Variants in ATP5MC1 observed in about 807,000 individuals in gnomAD.
ATP5MC1 encodes the protein ATP synthase F(0) complex subunit C1, mitochondrial.
Under a neutral mutation model 12.1 loss-of-function variants are expected in ATP5MC1, and 4 were observed. The observed-to-expected ratio is 0.33, with a 90% CI of 0.16 to 0.76. The LOEUF is 0.76. Among genes scored for constraint, ATP5MC1 ranks in the 30% least tolerant of loss-of-function variants. The pLI is 0.61. For missense variants in ATP5MC1, 117 were observed against 172.1 expected (o/e 0.68, Z 1.79); for synonymous variants, 52 against 66.0 (o/e 0.79, Z 1.03).
At position 48,894,390 on chromosome 17, in the gene ATP5MC1, G is replaced by GGTCT. The variant is rs1251557849; in HGVS notation, c.59_62dup (p.Ile22SerfsTer12). ...TTTACAGATCCGCTGTTGTACCAGGGGTCTAATCAGGCCTGTGTCTGCCTC... is the reference window on the plus strand; with the variant it reads ...TTTACAGATCCGCTGTTGTACCAGGGGTCTGTCTAATCAGGCCTGTGTCTGCCTC... On this transcript the variant is annotated frameshift_variant, in exon 3 of 5. Transcript: ENST00000393366. LOFTEE classifies it high-confidence loss of function. The GGTCT allele has an allele frequency of 6.2e-7, 1 of 1,614,010 alleles. No individual in the cohort carries two copies.
chr17:48,895,644 G>A lies in ATP5MC1; in HGVS notation c.297-11G>A, dbSNP rs1435124256. 1 of 1,610,152 alleles carries A rather than the reference G, an allele frequency of 6.2e-7. No individual in the cohort carries two copies. Among genetic ancestry groups the A allele is most frequent in the African/African-American group, 1.3e-5 (1 of 74,686 alleles). On this transcript the variant is annotated splice_polypyrimidine_tract_variant and intron_variant, in intron 4 of 4. Coordinates refer to ENST00000393366, the MANE Select transcript of ATP5MC1 (RefSeq NM_005175.3). ...TCTCCCTCAACTGGCAATGATCTCTGTCCCTCCCAGGAACCCGTCTCTCAA... is the reference window on the plus strand; with the variant it reads ...TCTCCCTCAACTGGCAATGATCTCTATCCCTCCCAGGAACCCGTCTCTCAA...
chr17:48,894,952 T>C (rs2143733659), intron 3 of ATP5MC1: 3 of 702,374 alleles, frequency 4.3e-6, no homozygotes, highest in African/African-American at 3.5e-5. Flanking sequence ...ACCCATGAAA[T>C]TTCCCTAGTC....
chr17:48,895,480 C>A, intron 4 of ATP5MC1, 146 bp downstream of exon 4: 1 of 1,353,552 alleles, frequency 7.4e-7, no homozygotes, highest in Non-Finnish European at 1.0e-6. Flanking sequence ...TCCAGCCTGG[C>A]TCACTTAAAC....
Position 48,895,771 on chromosome 17 carries a change from G to T in ATP5MC1, c.*2G>T. Reference sequence around the variant, plus strand: ...TTCCTCATCCTCTTCGCCATGTGAGGCTCCATGGGGGGGTCACCGGCCTGT... The same window carrying T: ...TTCCTCATCCTCTTCGCCATGTGAGTCTCCATGGGGGGGTCACCGGCCTGT... On this transcript the variant is annotated 3_prime_UTR_variant, in exon 5 of 5. Transcript: ENST00000393366. The T allele has an allele frequency of 6.8e-7, 1 of 1,465,158 alleles. No homozygotes were observed. The highest frequency in any genetic ancestry group is 9.0e-7 in the Non-Finnish European group (1 of 1,110,624). 90.8% of individuals were successfully genotyped at this position (1,465,158 alleles called of 1,614,324 possible).
Position 48,895,302 on chromosome 17 carries a change from C to G in ATP5MC1, c.264C>G (p.Thr88=), listed in dbSNP as rs780037939. ...CTGGTTCAGGGGCTGGCATTGGAAC[C>G]GTGTTTGGCAGCTTGATCATTGGCT... ...GVAGSGAGIG[T]VFGSLIIGYA... Residue 88 remains threonine (T), a synonymous_variant, in exon 4 of 5, where the codon ACC becomes ACG. Coordinates refer to ENST00000393366, the MANE Select transcript of ATP5MC1 (RefSeq NM_005175.3). 4 of 1,596,846 alleles carry G rather than the reference C, an allele frequency of 2.5e-6. No homozygotes were observed. In the Admixed American group the frequency reaches 6.7e-5, roughly 27 times the overall value.
In ATP5MC1 at chr17:48,893,396, TC is replaced by T. The variant is rs749300300; in HGVS notation, c.-9-8del. 5.6e-6 allele frequency: 9 copies of T among 1,613,444 alleles called. No individual in the cohort carries two copies. The highest frequency in any genetic ancestry group is 1.3e-5 in the African/African-American group (1 of 74,934). The stretch of plus-strand genomic sequence containing the variant: ...CAGTGGGATTATTATTACTATTTTT[TC>T]CCCCTCTGCAGACTGAAAAAATGCA... On this transcript the variant is annotated splice_polypyrimidine_tract_variant and intron_variant, in intron 1 of 4. Coordinates refer to ENST00000393366, the MANE Select transcript of ATP5MC1 (RefSeq NM_005175.3).
At chr17:48,894,969 G>A (rs2040558344) in intron 3 of ATP5MC1, 187 bp from the exon 4 acceptor site, 2 of 741,926 alleles carry the variant, frequency 2.7e-6, no homozygotes, top group Non-Finnish European at 4.7e-6. Context: ...AGTCCTGTCT[G>A]CTGTCTGACA....
At chr17:48,893,249 C>T in intron 1 of ATP5MC1, 160 bp from the exon 2 acceptor site, 1 of 666,702 alleles carries the variant, frequency 1.5e-6, no homozygotes, top group Non-Finnish European at 2.5e-6. Context: ...TGCTCTGTCC[C>T]TCTGACCTCT....
intron 1 of ATP5MC1, 85 bp downstream of exon 1, chr17:48,892,995 C>G (rs2040543377): frequency 1.1e-5 from 2 of 190,162 alleles, no homozygotes; most frequent in South Asian, 1.8e-4. Context: ...CTGGGAGAGG[C>G]TATGGCAATC....
intron 3 of ATP5MC1, 48 bp from the exon 4 acceptor site, chr17:48,895,108 T>A (rs755473020): frequency 6.5e-7 from 1 of 1,547,816 alleles, no homozygotes; most frequent in Admixed American, 1.8e-5. Flanking sequence ...CCTGTCCTTA[T>A]GCCATACTAT....
chr17:48,893,347 A>G, intron 1 of ATP5MC1, 62 bp from the exon 2 acceptor site: 1 of 1,573,734 alleles, frequency 6.4e-7, no homozygotes, highest in Non-Finnish European at 8.7e-7. Flanking sequence ...AAAGGTCGTC[A>G]TTATAAGCAA....
At position 48,895,760 on chromosome 17, in the gene ATP5MC1, C is replaced by T. The variant is rs896121881; in HGVS notation, c.402C>T (p.Phe134=). Residue 134 remains phenylalanine (F), a synonymous_variant, in exon 5 of 5, where the codon TTC becomes TTT. Transcript: ENST00000393366. ...FCLMVAFLIL[F]AM is the part of the protein sequence containing the mutation. ...TGATGGTCGCCTTCCTCATCCTCTT[C>T]GCCATGTGAGGCTCCATGGGGGGGT... 3.9e-6 allele frequency: 6 copies of T among 1,547,638 alleles called. No homozygotes were observed. The highest frequency in any genetic ancestry group is 1.8e-5 in the African/African-American group (1 of 55,694).
chr17:48,894,323 T>A (rs2040553268), intron 2 of ATP5MC1, 49 bp from the exon 3 acceptor site: 2 of 1,571,322 alleles, frequency 1.3e-6, no homozygotes, highest in East Asian at 4.5e-5. Context: ...GCAATTAGGA[T>A]TTTTTTTCCT....
rs769679910 is a variant in ATP5MC1 at position 48,895,301 on chromosome 17, C to T, written c.263C>T (p.Thr88Ile). 5.6e-6 allele frequency: 9 copies of T among 1,597,408 alleles called. No homozygotes were observed. Among genetic ancestry groups the T allele is most frequent in the Non-Finnish European group, 7.7e-6 (9 of 1,166,636 alleles). The change falls in exon 4 of 5, where the codon ACC (threonine) becomes ATC (isoleucine). Residue 88 changes from threonine to isoleucine, a missense_variant. Coordinates refer to ENST00000393366, the MANE Select transcript of ATP5MC1 (RefSeq NM_005175.3). ...GVAGSGAGIG[T>I]VFGSLIIGYA... is the part of the protein sequence containing the mutation. The stretch of plus-strand genomic sequence containing the variant: ...GCTGGTTCAGGGGCTGGCATTGGAA[C>T]CGTGTTTGGCAGCTTGATCATTGGC...
intron 4 of ATP5MC1, 69 bp downstream of exon 4, chr17:48,895,403 G>A (rs2040563800): frequency 2.0e-6 from 3 of 1,526,212 alleles, no homozygotes; most frequent in East Asian, 2.3e-5. Context: ...CTCAGCTGGA[G>A]GAGCTCCCTT....
rs761785130 is a variant in ATP5MC1, at chr17:48,893,482, G to T, written c.39+26G>T. ...GTAAGGTGCCGCGCCGCAGTGCTCT[G>T]TAGTACCAGGTGTATGGTGTGGACG... is the stretch of plus-strand genomic sequence containing the variant. On this transcript the variant is annotated intron_variant, in intron 2 of 4. Transcript: ENST00000393366. The T allele has an allele frequency of 3.1e-6, 5 of 1,612,750 alleles. No homozygotes were observed. The African/African-American group carries it at 5.3e-5, about 17-fold the overall frequency.
At chr17:48,893,707 T>C (rs1204408886) in intron 2 of ATP5MC1, 1 of 565,548 alleles carries the variant, frequency 1.8e-6, no homozygotes, top group Non-Finnish European at 3.1e-6. Flanking sequence ...GACAGCCCAC[T>C]AAAACAGTGG....
At chr17:48,895,406 GCTC>G in intron 4 of ATP5MC1, 72 bp downstream of exon 4, 2 of 1,521,026 alleles carry the variant, frequency 1.3e-6, no homozygotes, top group South Asian at 2.6e-5. Context: ...AGCTGGAGGA[GCTC>G]CCTTCAGGAG....
In ATP5MC1 at chr17:48,895,176, A is replaced by T. The variant is rs900493120; in HGVS notation, c.138A>T (p.Pro46=). The T allele has an allele frequency of 6.2e-7, 1 of 1,604,928 alleles. No individual in the cohort carries two copies. Among genetic ancestry groups the T allele is most frequent in the African/African-American group, 1.3e-5 (1 of 74,468 alleles). Residue 46 remains proline (P), a synonymous_variant, in exon 4 of 5, where the codon CCA becomes CCT. Transcript: ENST00000393366. ...SSKQPSYSNF[P]LQVARREFQT... ...TCTAGCCTTCCTACAGCAACTTCCC[A>T]CTCCAGGTGGCCAGACGGGAGTTCC...
Sources: allele counts gnomAD v4.1 joint callset, GRCh38; gene constraint gnomAD v4.1.1; transcripts MANE v1.5; gene names NCBI Gene and HGNC (gene_info 2026-07-23, HGNC 2026-07-21).